The following DIAPH2 variants were observed in gnomAD, a reference collection of about 807,000 sequenced individuals.
DIAPH2 encodes the protein protein diaphanous homolog 2.
A neutral mutation model predicts 92.7 loss-of-function variants in DIAPH2; 35 were observed. The ratio of observed to expected loss-of-function variants is 0.38; its 90% CI spans 0.29 to 0.50. The LOEUF (loss-of-function observed/expected upper bound fraction) is 0.50. Among genes scored for constraint, DIAPH2 ranks in the 20% least tolerant of loss-of-function variants. The pLI is 0.94. For synonymous variants in DIAPH2, 301 were observed against 280.4 expected (o/e 1.07, Z -0.73); for missense variants, 701 against 819.5 (o/e 0.86, Z 1.77).
intron 17 of DIAPH2, among the ~76,000 whole-genome samples, chrX:96,973,083 C>T (rs991027346): frequency 1.3e-4 from 15 of 111,767 alleles, no homozygotes; most frequent in South Asian, 7.6e-4. Flanking sequence ...GCTGAAGTTT[C>T]GCTATTTGTG....
At chrX:97,409,982 C>T (rs933260608) in intron 25 of DIAPH2, among the ~76,000 whole-genome samples, 1 of 112,749 alleles carries the variant, frequency 8.9e-6, no homozygotes, top group African/African-American at 3.2e-5. Flanking sequence ...CTTCTGCAGA[C>T]TTAAACATCC....
chrX:97,500,104 G>A (rs2070785043), intron 26 of DIAPH2, among the ~76,000 whole-genome samples: 1 of 111,995 alleles, frequency 8.9e-6, no homozygotes, highest in African/African-American at 3.2e-5. Flanking sequence ...AAAGCATTGG[G>A]TAAAAGTGCT....
intron 23 of DIAPH2, among the ~76,000 whole-genome samples, chrX:97,297,069 G>T (rs748616682): frequency 1.0e-4 from 9 of 87,762 alleles, no homozygotes; most frequent in East Asian, 4.0e-4. Flanking sequence ...GAGCCACCAG[G>T]CCTGGCCTTT....
chrX:97,023,088 C>G (rs2147872567), intron 17 of DIAPH2, among the ~76,000 whole-genome samples: 1 of 111,835 alleles, frequency 8.9e-6, no homozygotes, highest in South Asian at 3.8e-4. Flanking sequence ...TTGGCAATTA[C>G]AAATTTTATT....
At chrX:97,419,242 G>A (rs1001437782) in intron 25 of DIAPH2, among the ~76,000 whole-genome samples, 2 of 111,644 alleles carry the variant, frequency 1.8e-5, no homozygotes, top group Non-Finnish European at 1.9e-5. Flanking sequence ...TATGCTTGTC[G>A]TTGACAGTAT....
In DIAPH2 at chrX:96,893,526, C is replaced by T. The variant is rs763633765; in HGVS notation, c.587+11808C>T. ...TTAAATGAGGGATATTGGACAACAACAGTAGAATGAGTCCTTGATAGTTTT... is the reference window on the plus strand; with the variant it reads ...TTAAATGAGGGATATTGGACAACAATAGTAGAATGAGTCCTTGATAGTTTT... On this transcript the variant is annotated intron_variant, in intron 5 of 26. Coordinates refer to ENST00000324765, the MANE Select transcript of DIAPH2 (RefSeq NM_006729.5). 3.6e-5 allele frequency among the ~76,000 whole-genome samples: 4 copies of T among 111,953 alleles called. No individual in the cohort carries two copies. The South Asian group carries it at 1.5e-3, about 42-fold the overall frequency.
rs1004478295 is a variant in DIAPH2, at chrX:97,603,699, G to A, written c.*4382G>A. 1.8e-5 allele frequency: 2 copies of A among 112,314 alleles called. No homozygotes were observed. The highest frequency in any genetic ancestry group is 3.8e-5 in the Non-Finnish European group (2 of 53,279). 9.3% of individuals were successfully genotyped at this position (112,314 alleles called of 1,213,427 possible). A position where few individuals can be genotyped will look rare whatever the true frequency, so the allele number is the denominator to read the frequency against. On this transcript the variant is annotated 3_prime_UTR_variant, in exon 27 of 27. Coordinates refer to ENST00000324765, the MANE Select transcript of DIAPH2 (RefSeq NM_006729.5). ...CATTTATTCAACTTTTCACACTACT[G>A]TAGTAGACAATTTAGATAGATAAAC... is the stretch of plus-strand genomic sequence containing the variant.
At chrX:96,690,174 C>T (rs747668031) in intron 1 of DIAPH2, among the ~76,000 whole-genome samples, 1 of 110,845 alleles carries the variant, frequency 9.0e-6, no homozygotes, top group East Asian at 2.8e-4. Context: ...GTACCAACAA[C>T]GATGAGCCAA....
chrX:97,187,448 G>A (rs1233380354), intron 22 of DIAPH2, among the ~76,000 whole-genome samples: 1 of 107,472 alleles, frequency 9.3e-6, no homozygotes, highest in African/African-American at 3.4e-5. Context: ...GCTAATTTTT[G>A]TATTTTTAGT....
At chrX:97,511,939 A>G (rs2070897219) in intron 26 of DIAPH2, among the ~76,000 whole-genome samples, 1 of 113,173 alleles carries the variant, frequency 8.8e-6, no homozygotes, top group African/African-American at 3.3e-5. Context: ...TTTTGCATCA[A>G]TGTTCATCAA....
At chrX:97,474,625 G>T (rs1293848203) in intron 26 of DIAPH2, among the ~76,000 whole-genome samples, 1 of 110,555 alleles carries the variant, frequency 9.0e-6, no homozygotes, top group East Asian at 2.8e-4. Context: ...CATTAGCCGG[G>T]TGTGGTGGCG....
intron 4 of DIAPH2, among the ~76,000 whole-genome samples, chrX:96,778,217 A>G (rs941421014): frequency 3.7e-5 from 4 of 109,238 alleles, no homozygotes; most frequent in Admixed American, 3.0e-4. Flanking sequence ...TGAACTCATC[A>G]TTTTCCATTT....
At chrX:97,484,259 C>T (rs147544971) in intron 26 of DIAPH2, among the ~76,000 whole-genome samples, 3,062 of 111,334 alleles carry the variant, frequency 0.028, 35 homozygotes, top group Middle Eastern at 0.042. Context: ...TTAATTACAT[C>T]AACTGGAATC....
At chrX:97,430,107 T>C (rs892477871) in intron 26 of DIAPH2, among the ~76,000 whole-genome samples, 2 of 112,022 alleles carry the variant, frequency 1.8e-5, no homozygotes, top group Non-Finnish European at 3.8e-5. Flanking sequence ...GAGATCACAT[T>C]AGCTATTCAC....
At chrX:96,899,906 G>A (rs775401301) in intron 5 of DIAPH2, among the ~76,000 whole-genome samples, 16 of 111,405 alleles carry the variant, frequency 1.4e-4, no homozygotes, top group South Asian at 7.8e-4. Flanking sequence ...AGTCCCATCA[G>A]TACCTAATTT....
chrX:96,834,719 A>G (rs780620177), intron 4 of DIAPH2, among the ~76,000 whole-genome samples: 1 of 111,913 alleles, frequency 8.9e-6, no homozygotes, highest in Admixed American at 9.5e-5. Context: ...TTACAGGATA[A>G]CTTGTAAGGA....
At chrX:97,229,854 ATAT>A (rs1050683865) in intron 22 of DIAPH2, among the ~76,000 whole-genome samples, 3 of 102,753 alleles carry the variant, frequency 2.9e-5, no homozygotes, top group African/African-American at 7.1e-5. Flanking sequence ...TATATATAAC[ATAT>A]TATATATTAT....
At chrX:96,932,187 T>C (rs987934891) in intron 10 of DIAPH2, among the ~76,000 whole-genome samples, 1 of 111,257 alleles carries the variant, frequency 9.0e-6, no homozygotes, top group Non-Finnish European at 1.9e-5. Context: ...TCTCTGTTTA[T>C]AGTAGCATCT....
chrX:97,569,644 G>A (rs1339744549), intron 26 of DIAPH2, among the ~76,000 whole-genome samples: 7 of 110,852 alleles, frequency 6.3e-5, no homozygotes, highest in African/African-American at 2.3e-4. Context: ...CTGAATTCCT[G>A]AATGTTGTAT....
Sources: allele counts gnomAD v4.1 joint callset (sites outside exome capture counted in the v4.1 genomes callset), GRCh38; gene constraint gnomAD v4.1.1; transcripts MANE v1.5; gene names NCBI Gene and HGNC (gene_info 2026-07-23, HGNC 2026-07-21).